The following PATJ variants were observed in gnomAD, a reference collection of about 807,000 sequenced individuals.
The protein encoded by PATJ is inaD-like protein.
A neutral mutation model predicts 224.9 loss-of-function variants in PATJ; 190 were observed. The observed-to-expected ratio is 0.84, with a 90% CI of 0.75 to 0.95. The LOEUF is 0.95. Ranked by LOEUF, PATJ falls within the 40% of genes least tolerant of loss-of-function variation. The pLI, the probability that PATJ is intolerant of heterozygous loss-of-function variation, is 0.00. For synonymous variants in PATJ, 769 were observed against 820.3 expected, an observed-to-expected ratio of 0.94 and a Z score of 1.07; for missense variants, 2,121 against 2,270.3, an observed-to-expected ratio of 0.93 and a Z score of 1.34.
At chr1:61,759,568 C>T (rs1398257430) in intron 1 of PATJ, among the ~76,000 whole-genome samples, 1 of 152,148 alleles carries the variant, frequency 6.6e-6, no homozygotes, top group Non-Finnish European at 1.5e-5. Context: ...TGCCACCACG[C>T]CCAGCAAATT....
chr1:61,884,173 T>A (rs1668481668), intron 21 of PATJ, 64 bp from the exon 22 acceptor site: 4 of 1,307,916 alleles, frequency 3.1e-6, no homozygotes, highest in Non-Finnish European at 4.1e-6. Flanking sequence ...CATACCTAGT[T>A]GTTGAATGAC....
chr1:61,838,935 G>A (rs1430361679), intron 17 of PATJ, among the ~76,000 whole-genome samples: 1 of 151,962 alleles, frequency 6.6e-6, no homozygotes, highest in Non-Finnish European at 1.5e-5. Flanking sequence ...TGTTCTAATT[G>A]CTTTACATGT....
intron 16 of PATJ, among the ~76,000 whole-genome samples, chr1:61,828,406 T>G (rs567895107): frequency 4.7e-4 from 71 of 151,852 alleles, no homozygotes; most frequent in Admixed American, 1.8e-3. Context: ...AAAGAGTTTT[T>G]TTTTTTTTTT....
At chr1:62,106,200 C>T (rs1358123526) in intron 33 of PATJ, among the ~76,000 whole-genome samples, 2 of 68,860 alleles carry the variant, frequency 2.9e-5, no homozygotes, top group African/African-American at 5.0e-5. Flanking sequence ...CTGGGCACAG[C>T]GGCTCATACC....
chr1:61,972,910 C>CT (rs1683177892), intron 27 of PATJ, among the ~76,000 whole-genome samples: 1 of 151,736 alleles, frequency 6.6e-6, no homozygotes, highest in East Asian at 1.9e-4. Flanking sequence ...AGCTTGTATA[C>CT]TTTTTTTTCT....
intron 28 of PATJ, chr1:62,013,414 A>G: frequency 1.0e-5 from 10 of 985,352 alleles, no homozygotes; most frequent in Non-Finnish European, 1.2e-5. Context: ...TCCATTCAGG[A>G]CTGCAACTCA....
chr1:62,042,751 A>G (rs1256007123), intron 30 of PATJ, among the ~76,000 whole-genome samples: 1 of 152,124 alleles, frequency 6.6e-6, no homozygotes, highest in Admixed American at 6.6e-5. Flanking sequence ...GGCTCAAGCA[A>G]TCCTCCTGCC....
intron 1 of PATJ, among the ~76,000 whole-genome samples, chr1:61,748,565 G>A (rs1645153492): frequency 6.6e-6 from 1 of 151,918 alleles, no homozygotes; most frequent in East Asian, 1.9e-4. Flanking sequence ...CATGTAAATG[G>A]ATTAATACTC....
rs1307514872 is a variant in PATJ, at chr1:61,787,762, A to G, written c.858A>G (p.Arg286=). 1.2e-6 allele frequency: 2 copies of G among 1,612,776 alleles called. No individual in the cohort carries two copies. ...VPGGLADRDG[R]LQTGDHILKI... is the part of the protein sequence containing the mutation. ...TTGTCTTTTTCTTGAAGGATGGAAGACTCCAGACAGGGGACCACATCTTGA... is the reference window on the plus strand; with the variant it reads ...TTGTCTTTTTCTTGAAGGATGGAAGGCTCCAGACAGGGGACCACATCTTGA... Residue 286 remains arginine (R), a synonymous_variant, in exon 8 of 44, where the codon AGA becomes AGG. Transcript: ENST00000642238.
chr1:61,843,659 G>C (rs183429212), intron 17 of PATJ, among the ~76,000 whole-genome samples: 2 of 151,086 alleles, frequency 1.3e-5, no homozygotes, highest in South Asian at 4.2e-4. Context: ...TTCAGAGGCT[G>C]CAGTGAGCTG....
rs145977945 is a variant in PATJ at position 61,801,639 on chromosome 1, A to G, written c.1419A>G (p.Pro473=). Residue 473 remains proline (P), a synonymous_variant, in exon 12 of 44, where the codon CCA becomes CCG. Coordinates refer to ENST00000642238, the MANE Select transcript of PATJ (RefSeq NM_001350145.3). The stretch of plus-strand genomic sequence containing the variant: ...TTGTTTTAGGAACTGTTGTAGAACC[A>G]CTGAAACCACCAGCTCTCTTTCTAA... ...PPSDRGTVVE[P]LKPPALFLTG... 4.4e-6 allele frequency: 7 copies of G among 1,585,290 alleles called. No individual in the cohort carries two copies. Among genetic ancestry groups the G allele is most frequent in the Non-Finnish European group, 6.0e-6 (7 of 1,165,220 alleles).
intron 28 of PATJ, among the ~76,000 whole-genome samples, chr1:62,001,974 C>T (rs1023478828): frequency 1.3e-5 from 2 of 152,106 alleles, no homozygotes; most frequent in Non-Finnish European, 2.9e-5. Flanking sequence ...TTTTCTCTTT[C>T]TTTACCACTG....
chr1:61,812,429 AGAGAGT>A (rs1557688148), intron 14 of PATJ, among the ~76,000 whole-genome samples: 1 of 111,376 alleles, frequency 9.0e-6, no homozygotes, highest in Non-Finnish European at 2.0e-5. Flanking sequence ...AGAGAGAGAG[AGAGAGT>A]GTGTGTGTGT....
At chr1:62,013,431 C>T (rs1458455054) in intron 28 of PATJ, 10 of 985,214 alleles carry the variant, frequency 1.0e-5, no homozygotes, top group Non-Finnish European at 1.2e-5. Context: ...CTCAGCACAT[C>T]CTCATTGAGG....
intron 18 of PATJ, among the ~76,000 whole-genome samples, chr1:61,858,519 C>T (rs964755942): frequency 6.6e-6 from 1 of 152,194 alleles, no homozygotes; most frequent in African/African-American, 2.4e-5. Context: ...GCCTTGGCCT[C>T]CCAAAGTGCT....
At chr1:61,925,358 T>C (rs958587848) in intron 26 of PATJ, among the ~76,000 whole-genome samples, 1 of 152,130 alleles carries the variant, frequency 6.6e-6, no homozygotes, top group African/African-American at 2.4e-5. Flanking sequence ...CAGCATAATA[T>C]AGATTCTCAT....
chr1:62,029,361 G>T (rs192449557), intron 29 of PATJ, among the ~76,000 whole-genome samples: 1 of 152,228 alleles, frequency 6.6e-6, no homozygotes, highest in African/African-American at 2.4e-5. Context: ...TGGGCTTGTT[G>T]TGTTTCCCTG....
intron 31 of PATJ, among the ~76,000 whole-genome samples, chr1:62,055,074 T>G (rs937366410): frequency 1.3e-5 from 2 of 152,076 alleles, no homozygotes; most frequent in African/African-American, 4.8e-5. Context: ...AAAAAAAATT[T>G]AAGTTTTTTT....
intron 14 of PATJ, among the ~76,000 whole-genome samples, chr1:61,818,330 C>G (rs1408355616): frequency 6.6e-6 from 1 of 152,130 alleles, no homozygotes; most frequent in Admixed American, 6.5e-5. Context: ...AAATAGAACC[C>G]CTCACAAAAC....
Sources: allele counts gnomAD v4.1 joint callset (sites outside exome capture counted in the v4.1 genomes callset), GRCh38; gene constraint gnomAD v4.1.1; transcripts MANE v1.5; gene names NCBI Gene and HGNC (gene_info 2026-07-23, HGNC 2026-07-21).